The following GBF1 variants were observed in gnomAD, a reference collection of about 807,000 sequenced individuals.
GBF1 encodes the protein Golgi-specific brefeldin A-resistance guanine nucleotide exchange factor 1.
GBF1 carries 114 observed loss-of-function variants against 210.5 expected under a neutral mutation model. The observed-to-expected ratio is 0.54, with a 90% CI of 0.47 to 0.63. The LOEUF (loss-of-function observed/expected upper bound fraction) is 0.63. GBF1 is among the 30% of genes least tolerant of loss of function. The pLI, the probability that GBF1 is intolerant of heterozygous loss-of-function variation, is 0.00. For missense variants in GBF1, 1,851 were observed against 2,357.7 expected (o/e 0.79, Z 4.45); for synonymous variants, 850 against 889.2 (o/e 0.96, Z 0.78).
At chr10:102,301,855 GA>G (rs2077397247) in intron 3 of GBF1, among the ~76,000 whole-genome samples, 3 of 152,234 alleles carry the variant, frequency 2.0e-5, no homozygotes, top group Admixed American at 2.0e-4. Flanking sequence ...TCACTTCCCA[GA>G]AGGGGTGGCG....
At chr10:102,342,083 C>T (rs1420550762) in intron 3 of GBF1, among the ~76,000 whole-genome samples, 1 of 148,950 alleles carries the variant, frequency 6.7e-6, no homozygotes, top group Non-Finnish European at 1.5e-5. Flanking sequence ...GTCACCCAGG[C>T]TGGAGTGCAG....
chr10:102,348,721 C>T (rs1472204496), intron 4 of GBF1, among the ~76,000 whole-genome samples: 87 of 152,238 alleles, frequency 5.7e-4, no homozygotes, highest in Non-Finnish European at 1.5e-5. Flanking sequence ...AAAGTAACTA[C>T]TCCCAGTGCT....
At chr10:102,362,304 C>T (rs2059662737) in intron 14 of GBF1, among the ~76,000 whole-genome samples, 171 bp from the exon 15 acceptor site, 1 of 152,048 alleles carries the variant, frequency 6.6e-6, no homozygotes, top group Non-Finnish European at 1.5e-5. Context: ...GATCCACCCG[C>T]CTCGGCCTCC....
At chr10:102,239,715 G>T in the GBF1 span, among the ~76,000 whole-genome samples, 1 of 152,204 alleles carries the variant, frequency 6.6e-6, no homozygotes, top group Non-Finnish European at 1.5e-5. Context: ...TGAAAACTCA[G>T]TCCCCAGCTG....
At chr10:102,346,426 T>C (rs2058577155) in intron 4 of GBF1, among the ~76,000 whole-genome samples, 1 of 152,238 alleles carries the variant, frequency 6.6e-6, no homozygotes, top group Admixed American at 6.5e-5. Context: ...CAGCAGTGAT[T>C]GAGAATTTCT....
At position 102,317,900 on chromosome 10, in the gene GBF1, A is replaced by T. The variant is rs371318693; in HGVS notation, c.164-26151A>T. On this transcript the variant is annotated intron_variant, in intron 3 of 39. Transcript: ENST00000369983. Reference sequence around the variant, plus strand: ...CCTGTTGTTGGTTATTTATTTATTTATTTTTATTTATTTATTTATTTATTT... The same window carrying T: ...CCTGTTGTTGGTTATTTATTTATTTTTTTTTATTTATTTATTTATTTATTT... Among the ~76,000 whole-genome samples the T allele has an allele frequency of 1.2e-4, 13 of 108,494 alleles. No homozygotes were observed. The South Asian group carries it at 2.9e-3, about 25-fold the overall frequency. The allele number at this position is 108,494 out of a possible 152,430, so 71.2% of individuals were successfully genotyped here.
At chr10:102,327,867 G>T (rs1159710116) in intron 3 of GBF1, among the ~76,000 whole-genome samples, 1 of 152,204 alleles carries the variant, frequency 6.6e-6, no homozygotes, top group East Asian at 1.9e-4. Flanking sequence ...ACAGGTGTTG[G>T]CTGGGCCCAG....
intron 3 of GBF1, among the ~76,000 whole-genome samples, chr10:102,262,264 A>G (rs2073332006): frequency 6.6e-6 from 1 of 152,224 alleles, no homozygotes; most frequent in Non-Finnish European, 1.5e-5. Context: ...AAATGCTGCT[A>G]CTAGGTGGCA....
intron 4 of GBF1, among the ~76,000 whole-genome samples, chr10:102,349,093 G>A (rs1353852853): frequency 6.6e-6 from 1 of 152,070 alleles, no homozygotes; most frequent in Non-Finnish European, 1.5e-5. Context: ...AGGCAGCAGT[G>A]AGCCATGATT....
the GBF1 span, among the ~76,000 whole-genome samples, chr10:102,239,880 T>G: frequency 6.6e-6 from 1 of 152,196 alleles, no homozygotes; most frequent in African/African-American, 2.4e-5. Flanking sequence ...TAAACCCGGC[T>G]GTTAGGTAGG....
intron 3 of GBF1, among the ~76,000 whole-genome samples, chr10:102,284,239 T>A (rs2075754159): frequency 6.6e-6 from 1 of 152,246 alleles, no homozygotes; most frequent in Non-Finnish European, 1.5e-5. Flanking sequence ...GGATCTTTAC[T>A]TGTATTTTCA....
intron 3 of GBF1, among the ~76,000 whole-genome samples, chr10:102,290,581 C>T (rs1196773198): frequency 1.3e-5 from 2 of 152,250 alleles, no homozygotes; most frequent in South Asian, 2.1e-4. Context: ...TCACTGCAGC[C>T]TTGACTGCCT....
chr10:102,332,135 C>G (rs950749509), intron 3 of GBF1, among the ~76,000 whole-genome samples: 1 of 152,044 alleles, frequency 6.6e-6, no homozygotes, highest in Non-Finnish European at 1.5e-5. Context: ...GCTGGGATTA[C>G]AGGTGTGAGC....
At position 102,293,979 on chromosome 10, in the gene GBF1, C is replaced by T. The variant is rs538358950; in HGVS notation, c.163+33863C>T. 5.3e-5 allele frequency among the ~76,000 whole-genome samples: 8 copies of T among 151,456 alleles called. No homozygotes were observed. In the East Asian group the frequency reaches 7.8e-4, roughly 15 times the overall value. The stretch of plus-strand genomic sequence containing the variant: ...TTTTTTAATAGAGACGGGGTTTCAC[C>T]GTGTTAGCCAGGATGGTCTCGATCT... On this transcript the variant is annotated intron_variant, in intron 3 of 39. Transcript: ENST00000369983.
chr10:102,243,646 C>A (rs1318657801), upstream of GBF1, among the ~76,000 whole-genome samples: 1 of 152,160 alleles, frequency 6.6e-6, no homozygotes, highest in African/African-American at 2.4e-5. Flanking sequence ...TCTCAGTTTT[C>A]AAATGAAGAG....
intron 3 of GBF1, among the ~76,000 whole-genome samples, chr10:102,273,301 C>T (rs1360841699): frequency 6.6e-6 from 1 of 151,980 alleles, no homozygotes; most frequent in Admixed American, 6.6e-5. Context: ...CACTGCACTG[C>T]AGCCTGGGCG....
In GBF1 at chr10:102,379,918, G is replaced by C; in HGVS notation, c.4842G>C (p.Glu1614Asp). The C allele has an allele frequency of 6.2e-7, 1 of 1,613,308 alleles. No individual in the cohort carries two copies. The highest frequency in any genetic ancestry group is 8.5e-7 in the Non-Finnish European group (1 of 1,179,330). ...GCCCTGCAGATGTGGGTGGGATGGA[G>C]GAGACCCGGATGAGGGCTTCCACAT... Reference protein sequence around the residue: ...NISPADVGGMEETRMRASTLL... With the variant: ...NISPADVGGMDETRMRASTLL... Residue 1614 changes from glutamate to aspartate, a missense_variant, in exon 36 of 40, where the codon GAG becomes GAC. Coordinates refer to ENST00000369983, the MANE Select transcript of GBF1 (RefSeq NM_001377137.1).
At chr10:102,357,541 G>A (rs2059364469) in intron 8 of GBF1, among the ~76,000 whole-genome samples, 2 of 151,528 alleles carry the variant, frequency 1.3e-5, no homozygotes, top group African/African-American at 4.8e-5. Context: ...ATACCAGTAA[G>A]AAAACCAGGA....
chr10:102,273,036 T>G (rs547073324), intron 3 of GBF1, among the ~76,000 whole-genome samples: 1 of 152,240 alleles, frequency 6.6e-6, no homozygotes, highest in Non-Finnish European at 1.5e-5. Context: ...GAAAAAAGAA[T>G]AGAATAGAAA....
Sources: allele counts gnomAD v4.1 joint callset (sites outside exome capture counted in the v4.1 genomes callset), GRCh38; gene constraint gnomAD v4.1.1; transcripts MANE v1.5; gene names NCBI Gene and HGNC (gene_info 2026-07-23, HGNC 2026-07-21).